Variants in DOCK6 observed in about 807,000 individuals in gnomAD.
DOCK6 encodes dedicator of cytokinesis 6.
In DOCK6, 167 loss-of-function variants were observed where a neutral mutation model predicts 230.3. That is an observed-to-expected ratio of 0.73 (90% CI 0.64 to 0.82). The LOEUF (loss-of-function observed/expected upper bound fraction) is 0.82. Ranked by LOEUF, DOCK6 falls within the 40% of genes least tolerant of loss-of-function variation. DOCK6 has a pLI of 0.00. For missense variants in DOCK6, 2,598 were observed against 2,825.8 expected, an observed-to-expected ratio of 0.92 and a Z score of 1.83; for synonymous variants, 1,148 against 1,185.0, an observed-to-expected ratio of 0.97 and a Z score of 0.64.
Position 11,215,469 on chromosome 19 carries a change from T to A in DOCK6, c.4024A>T (p.Arg1342Trp), listed in dbSNP as rs2079468955. 6.2e-7 allele frequency: 1 copy of A among 1,611,894 alleles called. No homozygotes were observed. The highest frequency in any genetic ancestry group is 1.7e-5 in the Admixed American group (1 of 59,936). The change falls in exon 32 of 48, where the codon AGG becomes TGG. Residue 1342 changes from arginine to tryptophan, a missense_variant and splice_region_variant. Coordinates refer to ENST00000294618, the MANE Select transcript of DOCK6 (RefSeq NM_020812.4). ...RQEMVRRSRE[R>W]SPFGNPENVR... ...TTCTCCGGATTCCCAAACGGGCTCC[T>A]CTCTGAGACGCGTGGGTGCACGATC...
chr19:11,234,359 A>T (rs773550491), intron 21 of DOCK6, among the ~76,000 whole-genome samples: 12 of 151,530 alleles, frequency 7.9e-5, no homozygotes, highest in African/African-American at 2.9e-4. Flanking sequence ...CACTTGCCTC[A>T]GCCTCCCAAA....
At chr19:11,242,447 A>G (rs913969855) in intron 13 of DOCK6, among the ~76,000 whole-genome samples, 10 of 151,802 alleles carry the variant, frequency 6.6e-5, no homozygotes, top group African/African-American at 2.4e-4. Flanking sequence ...GCTGGAGTGC[A>G]GTGGGGCGAT....
rs1359569735 is a variant in DOCK6, at chr19:11,217,301, A to G, written c.3641T>C (p.Val1214Ala). 6.2e-7 allele frequency: 1 copy of G among 1,613,072 alleles called. No homozygotes were observed. The highest frequency in any genetic ancestry group is 2.2e-5 in the East Asian group (1 of 44,888). ...GDIAGTINPSVAMAIAGGPLA... is the reference protein window; with the variant it reads ...GDIAGTINPSAAMAIAGGPLA... ...GGGGCCACCAGCAATGGCCATGGCC[A>G]CAGAGGGGTTGATGGTACCCGCAAT... is the stretch of plus-strand genomic sequence containing the variant. The change falls in exon 29 of 48, where the codon GTG (valine) becomes GCG (alanine). Residue 1214 changes from valine to alanine, a missense_variant. Transcript: ENST00000294618.
intron 24 of DOCK6, 150 bp downstream of exon 24, chr19:11,227,187 A>G: frequency 8.9e-7 from 1 of 1,125,574 alleles, no homozygotes; most frequent in Non-Finnish European, 1.2e-6. Context: ...CAGGCACTTA[A>G]GAAACAGACA....
At position 11,245,811 on chromosome 19, in the gene DOCK6, C is replaced by T. The variant is rs777768573; in HGVS notation, c.873+1G>A. Reference sequence around the variant, plus strand: ...AGGAAAGAGAAAAAAGGGCCTCCTACCTTCTTTTTCTCCCGCACATCATAC... The same window carrying T: ...AGGAAAGAGAAAAAAGGGCCTCCTATCTTCTTTTTCTCCCGCACATCATAC... On this transcript the variant is annotated splice_donor_variant, in intron 8 of 47. Transcript: ENST00000294618. LOFTEE classifies it high-confidence loss of function. The T allele has an allele frequency of 6.3e-7, 1 of 1,577,834 alleles. No individual in the cohort carries two copies. The highest frequency in any genetic ancestry group is 8.6e-7 in the Non-Finnish European group (1 of 1,161,472).
At position 11,215,877 on chromosome 19, in the gene DOCK6, C is replaced by T. The variant is rs1366613476; in HGVS notation, c.3945G>A (p.Leu1315=). The change falls in exon 31 of 48, where the codon CTG becomes CTA. Residue 1315 remains leucine, a synonymous_variant. Transcript: ENST00000294618. ...CTTCCTCTAGCCGCGCCTTCATATC[C>T]AGAGATTTTTTGAATGTGAGGCTGT... ...RINSLTFKKS[L]DMKARLEEAI... 2 of 1,613,858 alleles carry T rather than the reference C, an allele frequency of 1.2e-6. No individual in the cohort carries two copies. The highest frequency in any genetic ancestry group is 2.2e-5 in the South Asian group (2 of 91,070).
chr19:11,216,870 C>A, intron 30 of DOCK6, 44 bp downstream of exon 30: 1 of 1,603,662 alleles, frequency 6.2e-7, no homozygotes, highest in South Asian at 1.1e-5. Flanking sequence ...CTGGGTACAT[C>A]CTTAGCCTGC....
At chr19:11,199,710 C>T (rs1405377726) in intron 47 of DOCK6, among the ~76,000 whole-genome samples, 171 bp from the exon 48 acceptor site, 1 of 152,234 alleles carries the variant, frequency 6.6e-6, no homozygotes, top group Non-Finnish European at 1.5e-5. Flanking sequence ...TGCAGTCCAC[C>T]ACGGAAGGTA....
chr19:11,236,367 G>A lies in DOCK6; in HGVS notation c.2371C>T (p.Pro791Ser). 2 of 1,567,318 alleles carry A rather than the reference G, an allele frequency of 1.3e-6. No individual in the cohort carries two copies. The highest frequency in any genetic ancestry group is 1.7e-6 in the Non-Finnish European group (2 of 1,155,180). Residue 791 changes from proline (P) to serine (S), a missense_variant, in exon 20 of 48, where the codon CCG becomes TCG. Pro to Ser is a moderately conservative substitution (Grantham distance 74). Transcript: ENST00000294618. This position sits in a 1 kb window ranked among gnomAD's most constrained non-coding sequence, Gnocchi z 5.2. ...DKLVRLVIRP[P>S]IISGQIVNLG... is the part of the protein sequence containing the mutation. ...TTACCAATCTGGCCACTGATGATCG[G>A]GGGCCTGATGACCAGACGCACGAGC...
Position 11,202,221 on chromosome 19 carries a change from C to G in DOCK6, c.5452-96G>C. 7.0e-7 allele frequency: 1 copy of G among 1,432,262 alleles called. No individual in the cohort carries two copies. Among genetic ancestry groups the G allele is most frequent in the Non-Finnish European group, 9.6e-7 (1 of 1,038,668 alleles). The allele number at this position is 1,432,262 out of a possible 1,614,324, so 88.7% of individuals were successfully genotyped here. A position where few individuals can be genotyped will look rare whatever the true frequency, so the allele number is the denominator to read the frequency against. The stretch of plus-strand genomic sequence containing the variant: ...AGGGGATCTGGGGACTTTGTCATTT[C>G]CAAGTCTTCCTATGTCTGGATGTTT... On this transcript the variant is annotated intron_variant, in intron 43 of 47. Transcript: ENST00000294618. The surrounding 1 kb of genome is among the most constrained non-coding windows in gnomAD (Gnocchi z 5.3).
chr19:11,249,732 C>T (rs939197623), intron 6 of DOCK6, among the ~76,000 whole-genome samples: 2 of 150,444 alleles, frequency 1.3e-5, no homozygotes, highest in African/African-American at 4.9e-5. Flanking sequence ...CCCGTCTCTA[C>T]TAAAAAAAAT....
chr19:11,213,400 T>C, intron 34 of DOCK6, 72 bp from the exon 35 acceptor site: 1 of 1,544,754 alleles, frequency 6.5e-7, no homozygotes, highest in Non-Finnish European at 8.8e-7. Context: ...CTGGCCCAAA[T>C]GAGGACTGCT....
At chr19:11,251,310 A>C in intron 5 of DOCK6, 2 of 550,964 alleles carry the variant, frequency 3.6e-6, no homozygotes, top group East Asian at 2.9e-5. Context: ...GCTACTCCTT[A>C]TCCCACATTT....
rs73925140 is a variant in DOCK6, at chr19:11,203,212, C to T, written c.5236-503G>A. The stretch of plus-strand genomic sequence containing the variant: ...AGCCCTAAGTTTGGAAGAAGGAACC[C>T]CCTCCCTACCACCCTAAAAACACCA... On this transcript the variant is annotated intron_variant, in intron 41 of 47. Transcript: ENST00000294618. The T allele has an allele frequency of 7.4e-3, 1,288 of 174,736 alleles. 21 individuals carry two copies. Among genetic ancestry groups the T allele is most frequent in the African/African-American group, 0.029 (1,218 of 42,136 alleles). 10.8% of individuals were successfully genotyped at this position (174,736 alleles called of 1,614,324 possible).
chr19:11,226,860 C>A (rs2079673619), intron 24 of DOCK6, among the ~76,000 whole-genome samples: 1 of 152,208 alleles, frequency 6.6e-6, no homozygotes, highest in South Asian at 2.1e-4. Context: ...TTATTGAGCA[C>A]TTGCTGTATA....
rs747944632 is a variant in DOCK6 at position 11,200,484 on chromosome 19, G to T, written c.5940-15C>A. ...CATCCTCACATCTGAGGGCCAGAGG[G>T]TGGGAGATGCTCAGAGACTCGCACA... On this transcript the variant is annotated splice_polypyrimidine_tract_variant and intron_variant, in intron 46 of 47. Coordinates refer to ENST00000294618, the MANE Select transcript of DOCK6 (RefSeq NM_020812.4). The surrounding 1 kb of genome is among the most constrained non-coding windows in gnomAD (Gnocchi z 4.3). 7 of 1,607,176 alleles carry T rather than the reference G, an allele frequency of 4.4e-6. No homozygotes were observed. Among genetic ancestry groups the T allele is most frequent in the Non-Finnish European group, 5.1e-6 (6 of 1,176,984 alleles).
chr19:11,257,071 C>T (rs1363071350), intron 1 of DOCK6, among the ~76,000 whole-genome samples: 3 of 151,976 alleles, frequency 2.0e-5, no homozygotes, highest in Non-Finnish European at 2.9e-5. Flanking sequence ...ACTGCAGCCT[C>T]AACCTCCTGG....
rs1203330109 is a variant in DOCK6 at position 11,245,988 on chromosome 19, A to G, written c.807-110T>C. 26 of 1,223,372 alleles carry G rather than the reference A, an allele frequency of 2.1e-5. No individual in the cohort carries two copies. The East Asian group carries it at 6.7e-4, about 32-fold the overall frequency. 75.8% of individuals were successfully genotyped at this position (1,223,372 alleles called of 1,614,324 possible). ...GGGCATCTGACTCCCACTGGGCCAC[A>G]TGGAACCGCCACTTAAGGGCTTGCA... On this transcript the variant is annotated intron_variant, in intron 7 of 47. Transcript: ENST00000294618.
chr19:11,203,946 C>T, intron 41 of DOCK6, 135 bp downstream of exon 41: 2 of 1,177,802 alleles, frequency 1.7e-6, no homozygotes, highest in Non-Finnish European at 2.4e-6. Flanking sequence ...TGGGGTGGGT[C>T]CCTTGTGGCC....
Sources: allele counts gnomAD v4.1 joint callset (sites outside exome capture counted in the v4.1 genomes callset), GRCh38; gene constraint gnomAD v4.1.1; non-coding constraint Gnocchi (gnomAD v3.1); transcripts MANE v1.5; gene names NCBI Gene and HGNC (gene_info 2026-07-23, HGNC 2026-07-21).